CEP44: variants seen among roughly 807,000 people sequenced by gnomAD.
CEP44 encodes centrosomal protein 44, also known as centrosomal protein of 44 kDa.
In CEP44, 45 loss-of-function variants were observed where a neutral mutation model predicts 46.7. That is an observed-to-expected ratio of 0.96 (90% CI 0.76 to 1.24). The LOEUF (loss-of-function observed/expected upper bound fraction) is 1.24. Among genes scored for constraint, CEP44 ranks in the 50% most tolerant of loss-of-function variants. The pLI is 0.00. For missense variants in CEP44, 475 were observed against 459.7 expected (o/e 1.03, Z -0.30); for synonymous variants, 142 against 146.0 (o/e 0.97, Z 0.20).
Position 174,310,649 on chromosome 4 carries a change from T to G in CEP44, c.886-134T>G. ...TATGTAGGAATATGCAGTATATGTA[T>G]TGCTTTAATAAAAAATTAAAAATAT... is the stretch of plus-strand genomic sequence containing the variant. On this transcript the variant is annotated intron_variant, in intron 8 of 11. Coordinates refer to ENST00000503780, the MANE Select transcript of CEP44 (RefSeq NM_001040157.3). This position sits in a 1 kb window ranked among gnomAD's most constrained non-coding sequence, Gnocchi z 4.2. The G allele has an allele frequency of 3.7e-6, 2 of 542,594 alleles. No homozygotes were observed. The highest frequency in any genetic ancestry group is 6.4e-6 in the Non-Finnish European group (2 of 313,400). 33.6% of individuals were successfully genotyped at this position (542,594 alleles called of 1,614,324 possible).
chr4:174,291,782 C>CTTTTTTTTTTTTTTTTTTTT lies in CEP44; in HGVS notation c.-147-6180_-147-6179insTTTTTTTTTTTTTTTTTTTT, dbSNP rs1208425482. 2.3e-4 allele frequency among the ~76,000 whole-genome samples: 19 copies of CTTTTTTTTTTTTTTTTTTTT among 81,630 alleles called. 1 individual carries two copies. The highest frequency in any genetic ancestry group is 2.2e-3 in the South Asian group (5 of 2,324). 53.6% of individuals were successfully genotyped at this position (81,630 alleles called of 152,430 possible). ...GTTTTCTTTATTCTTTTATCTTTTT[C>CTTTTTTTTTTTTTTTTTTTT]TTTTCTTTTTTTTTTTTTTTTTTTT... On this transcript the variant is annotated intron_variant, in intron 1 of 11. Coordinates refer to ENST00000503780, the MANE Select transcript of CEP44 (RefSeq NM_001040157.3).
chr4:174,291,004 C>A (rs1738133761), intron 1 of CEP44, among the ~76,000 whole-genome samples: 1 of 152,222 alleles, frequency 6.6e-6, no homozygotes, highest in African/African-American at 2.4e-5. Flanking sequence ...ATATCTTTCT[C>A]AATCCCTTCA....
In CEP44 at chr4:174,317,611, C is replaced by T. The variant is rs1200427800; in HGVS notation, c.*228C>T. On this transcript the variant is annotated 3_prime_UTR_variant, in exon 12 of 12. Coordinates refer to ENST00000503780, the MANE Select transcript of CEP44 (RefSeq NM_001040157.3). ...ACTTTTTTTTTTTTTAGGAAAAACT[C>T]ATGTTCCAGTATATTTCTCTTACAG... 9.2e-7 allele frequency: 1 copy of T among 1,082,960 alleles called. No individual in the cohort carries two copies. Among genetic ancestry groups the T allele is most frequent in the Non-Finnish European group, 1.1e-6 (1 of 890,016 alleles). 67.1% of individuals were successfully genotyped at this position (1,082,960 alleles called of 1,614,324 possible). A position where few individuals can be genotyped will look rare whatever the true frequency, so the allele number is the denominator to read the frequency against.
rs770553854 is a variant in CEP44 at position 174,318,263 on chromosome 4, G to C, written c.*880G>C. 1.2e-6 allele frequency: 1 copy of C among 852,210 alleles called. No homozygotes were observed. Among genetic ancestry groups the C allele is most frequent in the Non-Finnish European group, 1.4e-6 (1 of 708,892 alleles). 52.8% of individuals were successfully genotyped at this position (852,210 alleles called of 1,614,324 possible). On this transcript the variant is annotated 3_prime_UTR_variant, in exon 12 of 12. Transcript: ENST00000503780. The stretch of plus-strand genomic sequence containing the variant: ...TTTTTATTAGAGACAGGGTTTCTCC[G>C]TGTTGGTCAGGCTGGTCTCAAACTC...
chr4:174,296,184 A>G (rs912947202), intron 1 of CEP44, among the ~76,000 whole-genome samples: 4 of 152,144 alleles, frequency 2.6e-5, no homozygotes, highest in South Asian at 2.1e-4. Context: ...TATTCTTCCT[A>G]TGTGATCTTT....
chr4:174,291,226 CTTGT>C (rs1738159418), intron 1 of CEP44, among the ~76,000 whole-genome samples: 1 of 151,704 alleles, frequency 6.6e-6, no homozygotes, highest in Admixed American at 6.6e-5. Context: ...CTGTTTTTCT[CTTGT>C]TTGTTGTCTT....
chr4:174,319,582 T>C lies in CEP44; in HGVS notation c.*2199T>C. Reference sequence around the variant, plus strand: ...CACACAGAGAAGGGACTTAAAACATTTCTAATCTCCTAGTTTATATACAGT... The same window carrying C: ...CACACAGAGAAGGGACTTAAAACATCTCTAATCTCCTAGTTTATATACAGT... On this transcript the variant is annotated 3_prime_UTR_variant, in exon 12 of 12. Transcript: ENST00000503780. 1 of 758,508 alleles carries C rather than the reference T, an allele frequency of 1.3e-6. No individual in the cohort carries two copies. Among genetic ancestry groups the C allele is most frequent in the Non-Finnish European group, 1.6e-6 (1 of 622,962 alleles). The allele number at this position is 758,508 out of a possible 1,614,324, so 47.0% of individuals were successfully genotyped here.
rs1469095511 is a variant in CEP44, at chr4:174,318,205, A to G, written c.*822A>G. On this transcript the variant is annotated 3_prime_UTR_variant, in exon 12 of 12. Transcript: ENST00000503780. ...CAGCCTCCTGAGTAGCTGGGATTATAGGCATGCACCACCATGCCCAGCTAA... is the reference window on the plus strand; with the variant it reads ...CAGCCTCCTGAGTAGCTGGGATTATGGGCATGCACCACCATGCCCAGCTAA... 1 of 622,422 alleles carries G rather than the reference A, an allele frequency of 1.6e-6. No homozygotes were observed. Among genetic ancestry groups the G allele is most frequent in the Non-Finnish European group, 2.0e-6 (1 of 498,768 alleles). The allele number at this position is 622,422 out of a possible 1,614,324, so 38.6% of individuals were successfully genotyped here.
Position 174,310,824 on chromosome 4 carries a change from C to G in CEP44, c.927C>G (p.Tyr309Ter). 6.6e-7 allele frequency: 1 copy of G among 1,524,240 alleles called. No homozygotes were observed. Among genetic ancestry groups the G allele is most frequent in the African/African-American group, 1.4e-5 (1 of 72,730 alleles). 94.4% of individuals were successfully genotyped at this position (1,524,240 alleles called of 1,614,324 possible). The change falls in exon 9 of 12, where the codon TAC becomes TAG. Residue 309 changes from tyrosine (Y) to a stop codon, truncating the protein, a stop_gained. Transcript: ENST00000503780. LOFTEE classifies it high-confidence loss of function. This position sits in a 1 kb window ranked among gnomAD's most constrained non-coding sequence, Gnocchi z 4.2. ...FIEFNEVSED[Y>*]ASCSDMDLLN... ...AGTTTAATGAAGTTAGTGAAGACTACGCTTCTTGTAGTGACATGGACCTTC... is the reference window on the plus strand; with the variant it reads ...AGTTTAATGAAGTTAGTGAAGACTAGGCTTCTTGTAGTGACATGGACCTTC...
rs1442074645 is a variant in CEP44 at position 174,297,128 on chromosome 4, G to A, written c.-147-838G>A. Among the ~76,000 whole-genome samples the A allele has an allele frequency of 6.6e-6, 1 of 151,966 alleles. No homozygotes were observed. ...AAAATGGATTTCTTATAGACAACAT[G>A]TAGTTAGATCTTATTTTTGATCCAC... On this transcript the variant is annotated intron_variant, in intron 1 of 11. Coordinates refer to ENST00000503780, the MANE Select transcript of CEP44 (RefSeq NM_001040157.3). The surrounding 1 kb of genome is among the most constrained non-coding windows in gnomAD (Gnocchi z 4.3).
In CEP44 at chr4:174,287,902, A is replaced by T. The variant is rs1227180353; in HGVS notation, c.-148+3959A>T. ...TGTAGTATTTAAAGCTAATATCTGA[A>T]ATTCTCTTCTTGCATCTGCTAACTG... On this transcript the variant is annotated intron_variant, in intron 1 of 11. Transcript: ENST00000503780. The surrounding 1 kb of genome is among the most constrained non-coding windows in gnomAD (Gnocchi z 5.1). Among the ~76,000 whole-genome samples the T allele has an allele frequency of 4.6e-5, 7 of 152,230 alleles. No individual in the cohort carries two copies. The highest frequency in any genetic ancestry group is 7.3e-5 in the Non-Finnish European group (5 of 68,040).
rs1208742892 is a variant in CEP44 at position 174,329,327 on chromosome 4, C to T, written c.1087-2155C>T. ...CATGGGAAAGCCCTTTGCTCAAACACAGACACACACACAGACACACACACA... is the reference window on the plus strand; with the variant it reads ...CATGGGAAAGCCCTTTGCTCAAACATAGACACACACACAGACACACACACA... On this transcript the variant is annotated intron_variant, in intron 8 of 8. Coordinates refer to the CEP44 transcript ENST00000426172. The surrounding 1 kb of genome is among the most constrained non-coding windows in gnomAD (Gnocchi z 4.0). 1.3e-5 allele frequency among the ~76,000 whole-genome samples: 2 copies of T among 148,994 alleles called. No homozygotes were observed. The highest frequency in any genetic ancestry group is 2.4e-5 in the African/African-American group (1 of 40,842).
rs185487051 is a variant in CEP44, at chr4:174,290,782, C to A, written c.-148+6839C>A. 6.6e-6 allele frequency among the ~76,000 whole-genome samples: 1 copy of A among 152,180 alleles called. No homozygotes were observed. Among genetic ancestry groups the A allele is most frequent in the Non-Finnish European group, 1.5e-5 (1 of 68,028 alleles). Reference sequence around the variant, plus strand: ...TTCTATATTGTATCGATATCTATTTCTTCCTTCAAATCTGTCAATGTTCAC... The same window carrying A: ...TTCTATATTGTATCGATATCTATTTATTCCTTCAAATCTGTCAATGTTCAC... On this transcript the variant is annotated intron_variant, in intron 1 of 11. Transcript: ENST00000503780. This position sits in a 1 kb window ranked among gnomAD's most constrained non-coding sequence, Gnocchi z 4.3.
Position 174,320,139 on chromosome 4 carries a change from A to C in CEP44, c.*2756A>C. On this transcript the variant is annotated 3_prime_UTR_variant, in exon 12 of 12. Transcript: ENST00000503780. ...GTAAAGATTATATGGAAATACTATAAAGAATACATAAGGTAAAATACTAGT... is the reference window on the plus strand; with the variant it reads ...GTAAAGATTATATGGAAATACTATACAGAATACATAAGGTAAAATACTAGT... 1.0e-6 allele frequency: 1 copy of C among 985,126 alleles called. No individual in the cohort carries two copies. The highest frequency in any genetic ancestry group is 4.7e-5 in the South Asian group (1 of 21,286). 61.0% of individuals were successfully genotyped at this position (985,126 alleles called of 1,614,324 possible). A position where few individuals can be genotyped will look rare whatever the true frequency, so the allele number is the denominator to read the frequency against.
chr4:174,316,270 G>T lies in CEP44; in HGVS notation c.1066G>T (p.Gly356Cys). 1 of 1,610,910 alleles carries T rather than the reference G, an allele frequency of 6.2e-7. No homozygotes were observed. The highest frequency in any genetic ancestry group is 1.7e-5 in the Admixed American group (1 of 59,990). ...CAGAGCCTCTACTGTTAATTACTGTGGTTTGAATGAGATTTCAGAGGTAAG... is the reference window on the plus strand; with the variant it reads ...CAGAGCCTCTACTGTTAATTACTGTTGTTTGAATGAGATTTCAGAGGTAAG... The part of the protein sequence containing the change: ...TPRASTVNYC[G>C]LNEISEETTI... The change falls in exon 10 of 12, where the codon GGT becomes TGT. Residue 356 changes from glycine to cysteine, a missense_variant. By Grantham distance (159) the Gly-to-Cys change is radical. Coordinates refer to ENST00000503780, the MANE Select transcript of CEP44 (RefSeq NM_001040157.3).
chr4:174,315,840 C>T (rs1319304618), intron 9 of CEP44, among the ~76,000 whole-genome samples: 1 of 95,772 alleles, frequency 1.0e-5, no homozygotes, highest in Non-Finnish European at 2.2e-5. Context: ...GACTCCGTCT[C>T]AAAAAAAAAA....
In CEP44 at chr4:174,329,009, C is replaced by T. The variant is rs765288736; in HGVS notation, c.1087-2473C>T. Among the ~76,000 whole-genome samples the T allele has an allele frequency of 1.1e-4, 17 of 152,050 alleles. No individual in the cohort carries two copies. Among genetic ancestry groups the T allele is most frequent in the Non-Finnish European group, 2.5e-4 (17 of 68,006 alleles). ...TCACCCAGGCAGGAGTACAGTGGCA[C>T]AATCATAGCTCATTGCAACCTAGAA... On this transcript the variant is annotated intron_variant, in intron 8 of 8. Coordinates refer to the CEP44 transcript ENST00000426172. The surrounding 1 kb of genome is among the most constrained non-coding windows in gnomAD (Gnocchi z 4.0).
At chr4:174,295,247 G>A (rs1221527150) in intron 1 of CEP44, among the ~76,000 whole-genome samples, 5 of 151,006 alleles carry the variant, frequency 3.3e-5, no homozygotes, top group Non-Finnish European at 5.9e-5. Flanking sequence ...GTTGCCAGGC[G>A]GAGGGTCTCC....
In CEP44 at chr4:174,319,303, G is replaced by A. The variant is rs756964190; in HGVS notation, c.*1920G>A. 82 of 979,006 alleles carry A rather than the reference G, an allele frequency of 8.4e-5. No homozygotes were observed. The highest frequency in any genetic ancestry group is 9.8e-5 in the Non-Finnish European group (81 of 824,284). The allele number at this position is 979,006 out of a possible 1,614,324, so 60.6% of individuals were successfully genotyped here. Reference sequence around the variant, plus strand: ...AGGTTAAGAGGTTATAGTTATAAGGGAAAAAACTTCTGTATCGATTAACTC... The same window carrying A: ...AGGTTAAGAGGTTATAGTTATAAGGAAAAAAACTTCTGTATCGATTAACTC... On this transcript the variant is annotated 3_prime_UTR_variant, in exon 12 of 12. Transcript: ENST00000503780.
Sources: allele counts gnomAD v4.1 joint callset (sites outside exome capture counted in the v4.1 genomes callset), GRCh38; gene constraint gnomAD v4.1.1; non-coding constraint Gnocchi (gnomAD v3.1); transcripts MANE v1.5; gene names NCBI Gene and HGNC (gene_info 2026-07-23, HGNC 2026-07-21).